FAM149A: variants seen among roughly 807,000 people sequenced by gnomAD.
FAM149A encodes the protein protein FAM149A.
FAM149A carries 71 observed loss-of-function variants against 78.2 expected under a neutral mutation model. The observed-to-expected ratio is 0.91, with a 90% confidence interval of 0.75 to 1.11. The LOEUF is 1.11. Among genes scored for constraint, FAM149A ranks in the 50% least tolerant of loss-of-function variants. FAM149A has a pLI of 0.00. For synonymous variants in FAM149A, 446 were observed against 410.5 expected, an observed-to-expected ratio of 1.09 and a Z score of -1.04; for missense variants, 1,036 against 971.0, an observed-to-expected ratio of 1.07 and a Z score of -0.89.
rs770290197 is a variant in FAM149A at position 186,151,915 on chromosome 4, G to A, written c.802G>A (p.Ala268Thr). ...CATTTCTGTTTAGGAATTTGACGAA[G>A]CCAGTTCACAGTCAGTGCAGCGGTT... Residue 268 changes from alanine to threonine, a missense_variant, in exon 4 of 14, where the codon GCC becomes ACC. Transcript: ENST00000389354. 1 of 1,614,068 alleles carries A rather than the reference G, an allele frequency of 6.2e-7. No homozygotes were observed. Among genetic ancestry groups the A allele is most frequent in the Non-Finnish European group, 8.5e-7 (1 of 1,179,958 alleles).
intron 1 of FAM149A, chr4:186,130,293 C>CTCTCTCTCTCTCTATATATATATA: frequency 7.1e-4 from 33 of 46,568 alleles, no homozygotes; most frequent in East Asian, 1.5e-3. Flanking sequence ...CTCTCTCTCT[C>CTCTCTCTCTCTCTATATATATATA]TATATATATA....
intron 5 of FAM149A, 57 bp from the exon 6 acceptor site, chr4:186,154,411 G>C (rs554921195): frequency 9.3e-6 from 13 of 1,401,776 alleles, no homozygotes; most frequent in Non-Finnish European, 1.3e-5. Context: ...GATCGTTTAA[G>C]CATTGCGTTC....
chr4:186,105,620 G>C lies in FAM149A; in HGVS notation c.544G>C (p.Gly182Arg). The C allele has an allele frequency of 9.5e-7, 1 of 1,056,834 alleles. No homozygotes were observed. Among genetic ancestry groups the C allele is most frequent in the South Asian group, 2.5e-5 (1 of 39,948 alleles). The allele number at this position is 1,056,834 out of a possible 1,614,324, so 65.5% of individuals were successfully genotyped here. A position where few individuals can be genotyped will look rare whatever the true frequency, so the allele number is the denominator to read the frequency against. ...CATCGGCGAGGAGGGGGCCTCGGAC[G>C]GCGACTCCGGGGATGGCGAAGCGTG... is the stretch of plus-strand genomic sequence containing the variant. The change falls in exon 1 of 14, where the codon GGC becomes CGC. Residue 182 changes from glycine (G) to arginine (R), a missense_variant. Physicochemically the swap from Gly to Arg is moderately radical, Grantham distance 125. This residue lies in a region of FAM149A where 316 missense variants were observed against 241.9 expected (regional missense o/e 1.31). Transcript: ENST00000389354.
intron 8 of FAM149A, among the ~76,000 whole-genome samples, chr4:186,161,229 C>T (rs1231155408): frequency 6.6e-6 from 1 of 152,010 alleles, no homozygotes. Flanking sequence ...ATGAACCAAG[C>T]CCTAAATGAC....
At chr4:186,130,568 A>G (rs1374862523) in intron 1 of FAM149A, among the ~76,000 whole-genome samples, 2 of 150,874 alleles carry the variant, frequency 1.3e-5, no homozygotes, top group African/African-American at 4.9e-5. Context: ...CATGTTGCCC[A>G]GGCTGGTCTC....
At chr4:186,136,749 G>T (rs1342407226) in intron 1 of FAM149A, among the ~76,000 whole-genome samples, 1 of 152,094 alleles carries the variant, frequency 6.6e-6, no homozygotes, top group African/African-American at 2.4e-5. Flanking sequence ...TGATTTGTAG[G>T]GAGCTGTGGG....
rs1735657002 is a variant in FAM149A at position 186,174,212 on chromosome 4, TTCCTGA to T, written c.*2230_*2235del. On this transcript the variant is annotated 3_prime_UTR_variant, in exon 14 of 14. Coordinates refer to ENST00000389354, the MANE Select transcript of FAM149A (RefSeq NM_001367768.3). Reference sequence around the variant, plus strand: ...TAAGCCTAGTATCCATTAGTTATTTTTCCTGATCCTCTCCCTCCTTCCACCCTCCAC... The same window carrying T: ...TAAGCCTAGTATCCATTAGTTATTTTTCCTCTCCCTCCTTCCACCCTCCAC... 9.0e-6 allele frequency among the ~76,000 whole-genome samples: 1 copy of T among 110,548 alleles called. No homozygotes were observed. The highest frequency in any genetic ancestry group is 2.3e-5 in the Non-Finnish European group (1 of 43,982). The allele number at this position is 110,548 out of a possible 152,430, so 72.5% of individuals were successfully genotyped here.
intron 1 of FAM149A, chr4:186,146,385 T>C: frequency 1.2e-6 from 1 of 830,040 alleles, no homozygotes; most frequent in Non-Finnish European, 1.5e-6. Context: ...CCCCCTGCCC[T>C]GCATCCCAAG....
At chr4:186,116,778 GT>G (rs1343609510) in intron 1 of FAM149A, 18 of 981,458 alleles carry the variant, frequency 1.8e-5, no homozygotes, top group Non-Finnish European at 2.2e-5. Flanking sequence ...GCAGTTATAT[GT>G]TTTTTTGCTG....
In FAM149A at chr4:186,144,730, G is replaced by GGGGCCA; in HGVS notation, c.567-4438_567-4437insAGGGCC. ...CTTTCCCGGAGGTCGGCGCGGGGCC[G>GGGGCCA]GGGCCGGGGCCGGGGCCCGGAGCGG... On this transcript the variant is annotated intron_variant, in intron 1 of 13. Coordinates refer to ENST00000389354, the MANE Select transcript of FAM149A (RefSeq NM_001367768.3). The surrounding 1 kb of genome is among the most constrained non-coding windows in gnomAD (Gnocchi z 4.2). The GGGGCCA allele has an allele frequency of 2.4e-6, 2 of 834,396 alleles. No individual in the cohort carries two copies. The highest frequency in any genetic ancestry group is 2.9e-6 in the Non-Finnish European group (2 of 694,258). The allele number at this position is 834,396 out of a possible 1,614,324, so 51.7% of individuals were successfully genotyped here. A position where few individuals can be genotyped will look rare whatever the true frequency, so the allele number is the denominator to read the frequency against.
intron 1 of FAM149A, among the ~76,000 whole-genome samples, chr4:186,129,859 C>T (rs1005702592): frequency 2.0e-5 from 3 of 152,120 alleles, no homozygotes; most frequent in African/African-American, 7.2e-5. Flanking sequence ...TAAAAGGAAG[C>T]TGATGTATCT....
chr4:186,158,728 T>C, intron 8 of FAM149A: 1 of 1,028,170 alleles, frequency 9.7e-7, no homozygotes, highest in Non-Finnish European at 1.2e-6. Flanking sequence ...AGGTACCCCC[T>C]GTGCCTATTC....
chr4:186,169,511 C>T (rs1363521708), intron 13 of FAM149A: 1 of 984,318 alleles, frequency 1.0e-6, no homozygotes, highest in African/African-American at 1.8e-5. Context: ...ATGGAAAGCT[C>T]TTTCTTTCCT....
At chr4:186,167,473 G>T in intron 13 of FAM149A, 1 of 606,098 alleles carries the variant, frequency 1.6e-6, no homozygotes, top group African/African-American at 1.9e-5. Context: ...AAGAAGAGGG[G>T]AATGTCCAAA....
chr4:186,118,929 G>A (rs1474057966), intron 1 of FAM149A, among the ~76,000 whole-genome samples: 1 of 152,172 alleles, frequency 6.6e-6, no homozygotes, highest in Non-Finnish European at 1.5e-5. Context: ...AAAACAATGA[G>A]GAGTAGAGTC....
In FAM149A at chr4:186,105,250, G is replaced by A; in HGVS notation, c.174G>A (p.Leu58=). The stretch of plus-strand genomic sequence containing the variant: ...CCGCCCCGACCCTCCTCCGCGCCCT[G>A]GCTCCGGACTCCCCCTCCGCCTCGC... The change falls in exon 1 of 14, where the codon CTG becomes CTA. Residue 58 remains leucine (L), a synonymous_variant. Coordinates refer to ENST00000389354, the MANE Select transcript of FAM149A (RefSeq NM_001367768.3). 2.5e-6 allele frequency: 3 copies of A among 1,224,282 alleles called. No homozygotes were observed. Among genetic ancestry groups the A allele is most frequent in the Non-Finnish European group, 1.0e-6 (1 of 961,670 alleles). 75.8% of individuals were successfully genotyped at this position (1,224,282 alleles called of 1,614,324 possible). A position where few individuals can be genotyped will look rare whatever the true frequency, so the allele number is the denominator to read the frequency against.
chr4:186,169,814 C>T (rs527647944), intron 13 of FAM149A: 252 of 985,406 alleles, frequency 2.6e-4, no homozygotes, highest in Admixed American at 1.0e-3. Context: ...ACCCAGGGAA[C>T]GGTCCATGCC....
At chr4:186,168,190 A>G (rs1561420058) in intron 13 of FAM149A, among the ~76,000 whole-genome samples, 2 of 152,086 alleles carry the variant, frequency 1.3e-5, no homozygotes, top group Non-Finnish European at 1.5e-5. Context: ...TGATGTCGAG[A>G]TTCTTCAGCT....
intron 1 of FAM149A, among the ~76,000 whole-genome samples, chr4:186,136,972 C>CTCTCTCTCTCTCTCTCTCTCTCTCTT (rs1561396391): frequency 4.0e-5 from 3 of 74,414 alleles, no homozygotes; most frequent in African/African-American, 1.6e-4. Context: ...CTTTCTCTCT[C>CTCTCTCTCTCTCTCTCTCTCTCTCTT]TCTTTCTCTC....
Sources: allele counts gnomAD v4.1 joint callset (sites outside exome capture counted in the v4.1 genomes callset), GRCh38; gene constraint gnomAD v4.1.1; regional missense constraint gnomAD v4.1.1; non-coding constraint Gnocchi (gnomAD v3.1); transcripts MANE v1.5; gene names NCBI Gene and HGNC (gene_info 2026-07-23, HGNC 2026-07-21).